WASHC5: variants seen among roughly 807,000 people sequenced by gnomAD.
WASHC5 encodes WASH complex subunit strumpellin.
WASHC5 carries 101 observed loss-of-function variants against 150.4 expected under a neutral mutation model. The observed-to-expected ratio is 0.67, with a 90% CI of 0.57 to 0.79. WASHC5 has a LOEUF of 0.79. Among genes scored for constraint, WASHC5 ranks in the 30% least tolerant of loss-of-function variants. The pLI is 0.00. For missense variants in WASHC5, 1,195 were observed against 1,396.3 expected (o/e 0.86, Z 2.30); for synonymous variants, 467 against 491.2 (o/e 0.95, Z 0.65).
chr8:125,035,665 G>C lies in WASHC5; in HGVS notation c.3181+1572C>G, dbSNP rs565508223. 8.1e-4 allele frequency among the ~76,000 whole-genome samples: 123 copies of C among 152,344 alleles called. 4 individuals are homozygous for C. The South Asian group carries it at 0.021, about 26-fold the overall frequency. On this transcript the variant is annotated intron_variant, in intron 26 of 28. Coordinates refer to ENST00000318410, the MANE Select transcript of WASHC5 (RefSeq NM_014846.4). ...ATTGGTTCCCTCCCTCCTACAGCAA[G>C]TATTGTTTGAGGAGATCATGCTCTG...
chr8:125,045,694 T>C (rs987447646), intron 20 of WASHC5, among the ~76,000 whole-genome samples: 2 of 152,072 alleles, frequency 1.3e-5, no homozygotes, highest in East Asian at 1.9e-4. Context: ...AGGAAGTAAA[T>C]AGGGAGAACA....
intron 9 of WASHC5, among the ~76,000 whole-genome samples, chr8:125,070,484 T>C (rs16900349): frequency 0.026 from 3,999 of 152,226 alleles, 184 homozygotes; most frequent in African/African-American, 0.092. Flanking sequence ...TTTCCGAACA[T>C]AGACAGGGCC....
chr8:125,048,556 C>T (rs1037839899), intron 19 of WASHC5, among the ~76,000 whole-genome samples: 1 of 152,108 alleles, frequency 6.6e-6, no homozygotes, highest in Non-Finnish European at 1.5e-5. Context: ...TTGGTTAGGA[C>T]GTGGAGAAAC....
intron 23 of WASHC5, among the ~76,000 whole-genome samples, chr8:125,040,935 A>G (rs1184635618): frequency 6.6e-6 from 1 of 152,262 alleles, no homozygotes; most frequent in Non-Finnish European, 1.5e-5. Flanking sequence ...TACAAAATAA[A>G]ACATAGAGGG....
In WASHC5 at chr8:125,045,428, T is replaced by C. The variant is rs550016008; in HGVS notation, c.2505-730A>G. On this transcript the variant is annotated intron_variant, in intron 20 of 28. Coordinates refer to ENST00000318410, the MANE Select transcript of WASHC5 (RefSeq NM_014846.4). ...CTCTCATAGGTCTGACCACCACCCTTAACCACCATTTCAATGGTTTTCAAA... is the reference window on the plus strand; with the variant it reads ...CTCTCATAGGTCTGACCACCACCCTCAACCACCATTTCAATGGTTTTCAAA... Among the ~76,000 whole-genome samples, 5 of 152,336 alleles carry C rather than the reference T, an allele frequency of 3.3e-5. No individual in the cohort carries two copies. In the South Asian group the frequency reaches 1.0e-3, roughly 32 times the overall value.
chr8:125,050,759 G>C, intron 17 of WASHC5, 94 bp from the exon 18 acceptor site: 1 of 889,796 alleles, frequency 1.1e-6, no homozygotes, highest in Non-Finnish European at 1.9e-6. Flanking sequence ...CTGCAGTGGG[G>C]CATTTTCCTA....
At chr8:125,076,174 T>C (rs771842312) in intron 7 of WASHC5, among the ~76,000 whole-genome samples, 174 bp downstream of exon 7, 6 of 152,206 alleles carry the variant, frequency 3.9e-5, no homozygotes, top group Non-Finnish European at 7.3e-5. Context: ...TACTGACTCA[T>C]TTATTCCTTC....
Position 125,043,918 on chromosome 8 carries a change from A to C in WASHC5, c.2771-14T>G. 6.2e-7 allele frequency: 1 copy of C among 1,608,224 alleles called. No homozygotes were observed. The highest frequency in any genetic ancestry group is 8.5e-7 in the Non-Finnish European group (1 of 1,174,780). On this transcript the variant is annotated splice_polypyrimidine_tract_variant and intron_variant, in intron 22 of 28. Coordinates refer to ENST00000318410, the MANE Select transcript of WASHC5 (RefSeq NM_014846.4). ...TATTTGAATTTGCTGAAAAGTTAAA[A>C]CATAATTTTCTCTTTAGTACATTCG...
At chr8:125,042,206 C>G (rs1458639822) in intron 23 of WASHC5, among the ~76,000 whole-genome samples, 1 of 152,164 alleles carries the variant, frequency 6.6e-6, no homozygotes, top group Non-Finnish European at 1.5e-5. Context: ...AGATATCTGG[C>G]TTATCACTCT....
chr8:125,067,839 T>C (rs1451564826), intron 9 of WASHC5, 120 bp from the exon 10 acceptor site: 5 of 1,039,566 alleles, frequency 4.8e-6, no homozygotes, highest in Admixed American at 1.9e-5. Context: ...GCAAAATGTA[T>C]ATCAATAAAA....
rs1817059095 is a variant in WASHC5 at position 125,076,333 on chromosome 8, A to G, written c.864+15T>C. 1 of 1,613,366 alleles carries G rather than the reference A, an allele frequency of 6.2e-7. No individual in the cohort carries two copies. The highest frequency in any genetic ancestry group is 8.5e-7 in the Non-Finnish European group (1 of 1,179,404). On this transcript the variant is annotated intron_variant, in intron 7 of 28. Coordinates refer to ENST00000318410, the MANE Select transcript of WASHC5 (RefSeq NM_014846.4). The stretch of plus-strand genomic sequence containing the variant: ...AACACATTTACTGTAGAGGAAAAAA[A>G]TTAGCAATACTTGCCCAATTATCTG...
intron 23 of WASHC5, among the ~76,000 whole-genome samples, chr8:125,042,210 T>C (rs1253724610): frequency 6.6e-6 from 1 of 152,188 alleles, no homozygotes; most frequent in Non-Finnish European, 1.5e-5. Flanking sequence ...ATCTGGCTTA[T>C]CACTCTTTCT....
chr8:125,030,951 CAAAGGAGGGAGACT>C (rs1322326598), intron 27 of WASHC5, among the ~76,000 whole-genome samples: 1 of 152,128 alleles, frequency 6.6e-6, no homozygotes, highest in Non-Finnish European at 1.5e-5. Flanking sequence ...AGTGATGTTG[CAAAGGAGGGAGACT>C]GCATTATTCT....
intron 27 of WASHC5, among the ~76,000 whole-genome samples, chr8:125,029,054 A>C (rs569620141): frequency 1.4e-5 from 2 of 144,162 alleles, no homozygotes; most frequent in South Asian, 4.4e-4. Flanking sequence ...TTTTTGCGAC[A>C]GACTTTTCAC....
At position 125,076,412 on chromosome 8, in the gene WASHC5, G is replaced by T. The variant is rs964631199; in HGVS notation, c.800C>A (p.Ser267Tyr). Residue 267 changes from serine (S) to tyrosine (Y), a missense_variant, in exon 7 of 29, where the codon TCC (serine) becomes TAC (tyrosine). By Grantham distance (144) the Ser-to-Tyr change is moderately radical. Transcript: ENST00000318410. ...MLYVILYFEP[S>Y]ILHTHQAKMR... ...TTTTGCTTGATGGGTGTGAAGGATG[G>T]AAGGCTCAAAGTAGAGAATCACGTA... 6.2e-7 allele frequency: 1 copy of T among 1,613,942 alleles called. No individual in the cohort carries two copies. The highest frequency in any genetic ancestry group is 2.2e-5 in the East Asian group (1 of 44,858).
At chr8:125,081,127 A>AAT (rs1817245909) in intron 5 of WASHC5, among the ~76,000 whole-genome samples, 1 of 152,038 alleles carries the variant, frequency 6.6e-6, no homozygotes, top group Non-Finnish European at 1.5e-5. Context: ...AATAATCTAT[A>AAT]ATATATAGAA....
intron 16 of WASHC5, among the ~76,000 whole-genome samples, chr8:125,055,884 A>C (rs1816389452): frequency 6.6e-6 from 1 of 152,152 alleles, no homozygotes; most frequent in Admixed American, 6.5e-5. Context: ...TTGACAAAGC[A>C]TTTCTCCTTT....
chr8:125,070,045 T>C (rs1816855272), intron 9 of WASHC5, among the ~76,000 whole-genome samples: 1 of 152,232 alleles, frequency 6.6e-6, no homozygotes, highest in Non-Finnish European at 1.5e-5. Flanking sequence ...CTCTCAGATC[T>C]GACCCTTAAG....
chr8:125,071,999 T>C (rs1816910204), intron 9 of WASHC5, among the ~76,000 whole-genome samples: 1 of 152,076 alleles, frequency 6.6e-6, no homozygotes. Flanking sequence ...CACAATGCTA[T>C]CTCTCTGGTT....
Sources: allele counts gnomAD v4.1 joint callset (sites outside exome capture counted in the v4.1 genomes callset), GRCh38; gene constraint gnomAD v4.1.1; transcripts MANE v1.5; gene names NCBI Gene and HGNC (gene_info 2026-07-23, HGNC 2026-07-21).